Variants in RNASET2 observed in about 807,000 individuals in gnomAD.
RNASET2 encodes the protein ribonuclease T2, also known as ribonuclease 6.
In RNASET2, 28 loss-of-function variants were observed where a neutral mutation model predicts 33.9. The ratio of observed to expected loss-of-function variants is 0.83; its 90% CI spans 0.61 to 1.13. RNASET2 has a LOEUF of 1.13. Among genes scored for constraint, RNASET2 ranks in the 50% most tolerant of loss-of-function variants. The probability of loss-of-function intolerance (pLI) is 0.00; values close to 1 mark genes in which losing one functional copy is unlikely to be tolerated. For missense variants in RNASET2, 330 were observed against 319.9 expected (o/e 1.03, Z -0.24); for synonymous variants, 123 against 121.0 (o/e 1.02, Z -0.11).
At position 166,922,854 on chromosome 6, in the gene RNASET2, G is replaced by A. The variant is rs1385602801; in HGVS notation, c.*6734C>T. 1.3e-5 allele frequency among the ~76,000 whole-genome samples: 2 copies of A among 152,178 alleles called. No individual in the cohort carries two copies. The highest frequency in any genetic ancestry group is 2.4e-5 in the African/African-American group (1 of 41,440). Reference sequence around the variant, plus strand: ...CAAGACAGAAGAGCAGATGGTGACAGGTACCAACCACCAAAGCTGTACACG... The same window carrying A: ...CAAGACAGAAGAGCAGATGGTGACAAGTACCAACCACCAAAGCTGTACACG... On this transcript the variant is annotated 3_prime_UTR_variant, in exon 9 of 9. Coordinates refer to ENST00000508775, the MANE Select transcript of RNASET2 (RefSeq NM_003730.6).
rs748149003 is a variant in RNASET2, at chr6:166,925,103, C to A, written c.*4485G>T. Reference sequence around the variant, plus strand: ...ATTCTCCCTGCCGTCTAGCCCAAAACCGGAACAGCACAGCCCTCACCTCTG... The same window carrying A: ...ATTCTCCCTGCCGTCTAGCCCAAAAACGGAACAGCACAGCCCTCACCTCTG... On this transcript the variant is annotated 3_prime_UTR_variant, in exon 9 of 9. Transcript: ENST00000508775. Among the ~76,000 whole-genome samples the A allele has an allele frequency of 1.3e-5, 2 of 151,622 alleles. No individual in the cohort carries two copies. Among genetic ancestry groups the A allele is most frequent in the African/African-American group, 4.9e-5 (2 of 41,204 alleles).
intron 2 of RNASET2, 34 bp downstream of exon 2, chr6:166,952,454 A>AGGCCCCAG: frequency 6.3e-7 from 1 of 1,594,320 alleles, no homozygotes; most frequent in Non-Finnish European, 8.6e-7. Flanking sequence ...AGGGCTCCCC[A>AGGCCCCAG]GGCCCCAGGG....
chr6:166,951,238 C>G (rs1386587741), intron 2 of RNASET2, among the ~76,000 whole-genome samples: 1 of 152,232 alleles, frequency 6.6e-6, no homozygotes, highest in Non-Finnish European at 1.5e-5. Context: ...TTAGTACTTT[C>G]ACTAATTCTG....
chr6:166,929,336 T>G lies in RNASET2; in HGVS notation c.*252A>C. 7.1e-6 allele frequency among the ~76,000 whole-genome samples: 1 copy of G among 139,870 alleles called. No individual in the cohort carries two copies. Among genetic ancestry groups the G allele is most frequent in the African/African-American group, 3.1e-5 (1 of 31,948 alleles). The allele number at this position is 139,870 out of a possible 152,430, so 91.8% of individuals were successfully genotyped here. On this transcript the variant is annotated 3_prime_UTR_variant, in exon 9 of 9. Transcript: ENST00000508775. ...CCTGATCTACCAGGGCACTGAAGAGTTTAATAGAGAAAAAAAAAAACAATC... is the reference window on the plus strand; with the variant it reads ...CCTGATCTACCAGGGCACTGAAGAGGTTAATAGAGAAAAAAAAAAACAATC...
intron 8 of RNASET2, among the ~76,000 whole-genome samples, chr6:166,930,466 TACACAC>T (rs369381631): frequency 1.3e-5 from 2 of 148,940 alleles, no homozygotes; most frequent in African/African-American, 2.5e-5. Flanking sequence ...CACATGCATG[TACACAC>T]ACACACACAC....
chr6:166,931,619 A>C lies in RNASET2; in HGVS notation c.493-501T>G. 2.2e-5 allele frequency: 4 copies of C among 179,468 alleles called. No homozygotes were observed. The South Asian group carries it at 3.5e-4, about 16-fold the overall frequency. The allele number at this position is 179,468 out of a possible 1,614,324, so 11.1% of individuals were successfully genotyped here. On this transcript the variant is annotated intron_variant, in intron 7 of 8. Coordinates refer to ENST00000508775, the MANE Select transcript of RNASET2 (RefSeq NM_003730.6). ...ACCGGTCCCGAAACTGCAAACCTAG[A>C]CCCCCCTGTGCTCCAACCTCCTCTT...
chr6:166,941,285 T>C (rs372003877), intron 5 of RNASET2, among the ~76,000 whole-genome samples: 9 of 152,314 alleles, frequency 5.9e-5, no homozygotes, highest in East Asian at 5.8e-4. Context: ...GATTAAATGC[T>C]CAAGACCCAG....
chr6:166,950,097 C>T (rs1245285070), intron 2 of RNASET2, among the ~76,000 whole-genome samples: 2 of 152,166 alleles, frequency 1.3e-5, no homozygotes, highest in East Asian at 3.8e-4. Context: ...AGGGACACAC[C>T]CACGTTTTGT....
In RNASET2 at chr6:166,927,476, G is replaced by A. The variant is rs772596069; in HGVS notation, c.*2112C>T. On this transcript the variant is annotated 3_prime_UTR_variant, in exon 9 of 9. Transcript: ENST00000508775. The stretch of plus-strand genomic sequence containing the variant: ...TGCTACCTTGTTGGCGTCCCCATCC[G>A]CTCTCAAATGCTCACACTCATATAA... 3.3e-5 allele frequency among the ~76,000 whole-genome samples: 5 copies of A among 151,754 alleles called. No homozygotes were observed. The highest frequency in any genetic ancestry group is 7.4e-5 in the Non-Finnish European group (5 of 67,966).
chr6:166,925,701 T>C lies in RNASET2; in HGVS notation c.*3887A>G, dbSNP rs1193818886. ...GAGAAGAGGCCCTGGTCCCTGGGCGTGGAGGCGCAGAGCCACCCAGGACTG... is the reference window on the plus strand; with the variant it reads ...GAGAAGAGGCCCTGGTCCCTGGGCGCGGAGGCGCAGAGCCACCCAGGACTG... On this transcript the variant is annotated 3_prime_UTR_variant, in exon 9 of 9. Coordinates refer to ENST00000508775, the MANE Select transcript of RNASET2 (RefSeq NM_003730.6). Among the ~76,000 whole-genome samples the C allele has an allele frequency of 1.3e-5, 2 of 152,248 alleles. No homozygotes were observed. The highest frequency in any genetic ancestry group is 3.9e-4 in the East Asian group (2 of 5,186).
rs1778290850 is a variant in RNASET2, at chr6:166,925,469, T to C, written c.*4119A>G. On this transcript the variant is annotated 3_prime_UTR_variant, in exon 9 of 9. Coordinates refer to ENST00000508775, the MANE Select transcript of RNASET2 (RefSeq NM_003730.6). ...TCACCTCTGCCACCCAGGCCTCATC[T>C]ATACTGCCCAGCCCTCACCTCCCCT... Among the ~76,000 whole-genome samples the C allele has an allele frequency of 6.7e-6, 1 of 149,084 alleles. No individual in the cohort carries two copies. Among genetic ancestry groups the C allele is most frequent in the Admixed American group, 6.6e-5 (1 of 15,066 alleles).
chr6:166,952,828 G>A, intron 1 of RNASET2: 1 of 425,518 alleles, frequency 2.4e-6, no homozygotes, highest in Non-Finnish European at 4.4e-6. Flanking sequence ...CAAGCTAGGA[G>A]TGCAGCCAGG....
rs746327204 is a variant in RNASET2 at position 166,943,011 on chromosome 6, G to C, written c.332+8C>G. ...TAATCAAGACAGCAATCAGAGGCTG[G>C]GACTTACCAGAAGCGGCTGCGATTG... On this transcript the variant is annotated splice_region_variant and intron_variant, in intron 5 of 8. Coordinates refer to ENST00000508775, the MANE Select transcript of RNASET2 (RefSeq NM_003730.6). The C allele has an allele frequency of 1.2e-6, 2 of 1,612,326 alleles. No homozygotes were observed. Among genetic ancestry groups the C allele is most frequent in the Non-Finnish European group, 1.7e-6 (2 of 1,178,636 alleles).
chr6:166,930,388 G>A (rs972088029), intron 8 of RNASET2, among the ~76,000 whole-genome samples: 2 of 151,604 alleles, frequency 1.3e-5, no homozygotes, highest in African/African-American at 4.9e-5. Context: ...CATACACACA[G>A]TACATGAACA....
chr6:166,939,051 A>G, intron 5 of RNASET2, 43 bp from the exon 6 acceptor site: 1 of 1,433,838 alleles, frequency 7.0e-7, no homozygotes, highest in Non-Finnish European at 9.8e-7. Flanking sequence ...GTAGTGAAAC[A>G]GGCTGCGTGC....
intron 2 of RNASET2, among the ~76,000 whole-genome samples, chr6:166,950,444 G>A (rs977780223): frequency 5.3e-5 from 8 of 152,226 alleles, no homozygotes; most frequent in Non-Finnish European, 8.8e-5. Flanking sequence ...AGCCAGATAA[G>A]CAAAATTTCA....
At chr6:166,954,727 A>C (rs1481623038) in intron 1 of RNASET2, among the ~76,000 whole-genome samples, 3 of 152,144 alleles carry the variant, frequency 2.0e-5, no homozygotes, top group African/African-American at 7.2e-5. Flanking sequence ...AAAAAGTAAA[A>C]CCCTGGCCGG....
rs1779163735 is a variant in RNASET2 at position 166,956,234 on chromosome 6, C to G, written c.-52G>C. The G allele has an allele frequency of 6.2e-6, 9 of 1,458,150 alleles. No homozygotes were observed. The East Asian group carries it at 2.2e-4, about 36-fold the overall frequency. 90.3% of individuals were successfully genotyped at this position (1,458,150 alleles called of 1,614,324 possible). A position where few individuals can be genotyped will look rare whatever the true frequency, so the allele number is the denominator to read the frequency against. Reference sequence around the variant, plus strand: ...CCAGCTGCCGCTCCGGCTCCCACTTCCCACCTGCTGCCCGAGGAAGACTTC... The same window carrying G: ...CCAGCTGCCGCTCCGGCTCCCACTTGCCACCTGCTGCCCGAGGAAGACTTC... On this transcript the variant is annotated 5_prime_UTR_variant, in exon 1 of 9. Transcript: ENST00000508775.
intron 7 of RNASET2, chr6:166,931,345 T>C (rs1232748227): frequency 3.5e-6 from 2 of 579,060 alleles, no homozygotes; most frequent in Non-Finnish European, 6.2e-6. Context: ...GCGGCTCTGT[T>C]TTCCTCTCTG....
Sources: allele counts gnomAD v4.1 joint callset (sites outside exome capture counted in the v4.1 genomes callset), GRCh38; gene constraint gnomAD v4.1.1; transcripts MANE v1.5; gene names NCBI Gene and HGNC (gene_info 2026-07-23, HGNC 2026-07-21).